Variants in CLSTN2 observed in about 807,000 individuals in gnomAD.
CLSTN2 encodes the protein calsyntenin-2.
A neutral mutation model predicts 101.2 loss-of-function variants in CLSTN2; 48 were observed. The ratio of observed to expected loss-of-function variants is 0.47; its 90% CI spans 0.38 to 0.60. The LOEUF (loss-of-function observed/expected upper bound fraction) is 0.60. Ranked by LOEUF, CLSTN2 falls within the 20% of genes least tolerant of loss-of-function variation. CLSTN2 has a pLI of 0.00. For synonymous variants in CLSTN2, 481 were observed against 463.6 expected (o/e 1.04, Z -0.48); for missense variants, 1,160 against 1,238.2 (o/e 0.94, Z 0.95).
intron 7 of CLSTN2, among the ~76,000 whole-genome samples, chr3:140,462,320 C>T (rs1164105376): frequency 1.3e-5 from 2 of 152,142 alleles, no homozygotes; most frequent in Non-Finnish European, 2.9e-5. Flanking sequence ...ATTTATCATA[C>T]TTCATGTCAC....
chr3:140,453,006 G>A (rs935964212), intron 6 of CLSTN2, among the ~76,000 whole-genome samples: 1 of 152,220 alleles, frequency 6.6e-6, no homozygotes. Context: ...TTGAGTATGA[G>A]ATGAGAGTGC....
At chr3:140,467,732 TC>T (rs1421476465) in intron 8 of CLSTN2, among the ~76,000 whole-genome samples, 1 of 152,160 alleles carries the variant, frequency 6.6e-6, no homozygotes, top group Non-Finnish European at 1.5e-5. Context: ...CATAATCCTT[TC>T]CCTTCTCCAT....
chr3:140,427,899 C>T (rs2107995932), intron 5 of CLSTN2, among the ~76,000 whole-genome samples: 1 of 152,302 alleles, frequency 6.6e-6, no homozygotes. Flanking sequence ...GTGTTTCCCT[C>T]TTGTCAACTG....
At chr3:140,229,422 T>A (rs2086351976) in intron 2 of CLSTN2, among the ~76,000 whole-genome samples, 1 of 152,048 alleles carries the variant, frequency 6.6e-6, no homozygotes, top group Non-Finnish European at 1.5e-5. Context: ...GGAGCTGCTG[T>A]GGGGTCTGAG....
At chr3:140,374,746 C>A (rs1246163374) in intron 2 of CLSTN2, among the ~76,000 whole-genome samples, 1 of 152,116 alleles carries the variant, frequency 6.6e-6, no homozygotes, top group African/African-American at 2.4e-5. Context: ...TAAGTAGATA[C>A]CTGTTCTTTC....
intron 2 of CLSTN2, among the ~76,000 whole-genome samples, chr3:140,369,421 C>G (rs977068046): frequency 6.6e-6 from 1 of 152,130 alleles, no homozygotes; most frequent in Non-Finnish European, 1.5e-5. Context: ...TTTCCTGCCC[C>G]TAACATCACA....
At chr3:140,193,398 T>C (rs1046679127) in intron 2 of CLSTN2, among the ~76,000 whole-genome samples, 1 of 151,730 alleles carries the variant, frequency 6.6e-6, no homozygotes, top group Non-Finnish European at 1.5e-5. Context: ...TTTTGAAGGA[T>C]ACTTTTGCTG....
intron 2 of CLSTN2, among the ~76,000 whole-genome samples, chr3:140,368,076 A>G (rs976943145): frequency 2.2e-4 from 34 of 152,168 alleles, no homozygotes; most frequent in African/African-American, 8.0e-4. Flanking sequence ...ATTCCAGTGC[A>G]TCTTTACTGA....
intron 1 of CLSTN2, among the ~76,000 whole-genome samples, chr3:140,001,133 C>T (rs1004532004): frequency 3.3e-5 from 5 of 152,208 alleles, no homozygotes; most frequent in African/African-American, 1.2e-4. Context: ...ATACTACTTA[C>T]TCATCCTATA....
intron 1 of CLSTN2, among the ~76,000 whole-genome samples, chr3:139,969,953 A>G (rs1360560843): frequency 6.6e-6 from 1 of 152,202 alleles, no homozygotes; most frequent in South Asian, 2.1e-4. Flanking sequence ...ACAGAGTGAC[A>G]TAAAAGGAGA....
rs1016842446 is a variant in CLSTN2, at chr3:140,385,487, G to C, written c.233-18142G>C. On this transcript the variant is annotated intron_variant, in intron 2 of 16. Transcript: ENST00000458420. ...GGGTTCACGCCATTCTCCTGCCTCA[G>C]CTTCCCAAGTAGCTGGGACTACAGG... Among the ~76,000 whole-genome samples, 106 of 149,580 alleles carry C rather than the reference G, an allele frequency of 7.1e-4. 1 individual carries two copies. The highest frequency in any genetic ancestry group is 2.4e-3 in the African/African-American group (97 of 40,478).
At chr3:139,981,410 T>C (rs186605156) in intron 1 of CLSTN2, among the ~76,000 whole-genome samples, 256 of 152,360 alleles carry the variant, frequency 1.7e-3, no homozygotes, top group African/African-American at 6.0e-3. Context: ...TCTTGTGTTA[T>C]TAATGGCCTT....
intron 2 of CLSTN2, among the ~76,000 whole-genome samples, chr3:140,308,067 C>T (rs113896057): frequency 7.9e-5 from 12 of 152,256 alleles, no homozygotes; most frequent in African/African-American, 2.4e-4. Flanking sequence ...ATGATAGACC[C>T]CACCTCCATT....
At chr3:140,514,175 G>A (rs892776114) in intron 8 of CLSTN2, among the ~76,000 whole-genome samples, 2 of 152,000 alleles carry the variant, frequency 1.3e-5, no homozygotes, top group African/African-American at 2.4e-5. Flanking sequence ...TGGAGAACAG[G>A]TGGCGTTTGG....
intron 5 of CLSTN2, among the ~76,000 whole-genome samples, chr3:140,441,997 G>A (rs1367023023): frequency 2.0e-5 from 3 of 152,186 alleles, no homozygotes; most frequent in African/African-American, 7.2e-5. Flanking sequence ...ACCTGGAGCT[G>A]TACTGACACG....
At chr3:140,424,937 A>AC in intron 5 of CLSTN2, among the ~76,000 whole-genome samples, 1 of 151,342 alleles carries the variant, frequency 6.6e-6, no homozygotes, top group African/African-American at 2.4e-5. Flanking sequence ...ATGAGCCTCA[A>AC]CCCCCTCAGA....
chr3:140,295,993 C>T (rs549890983), intron 2 of CLSTN2, among the ~76,000 whole-genome samples: 1 of 152,244 alleles, frequency 6.6e-6, no homozygotes, highest in South Asian at 2.1e-4. Context: ...TATTATAATC[C>T]AATTCTTATA....
intron 1 of CLSTN2, among the ~76,000 whole-genome samples, chr3:140,171,687 T>TATATAATATGTATTATATATAATATATA (rs10658008): frequency 8.8e-6 from 1 of 114,034 alleles, no homozygotes; most frequent in Non-Finnish European, 1.7e-5. Context: ...TTATATATAA[T>TATATAATATGTATTATATATAATATATA]ATATATTAAT....
At chr3:140,399,092 A>G (rs991909662) in intron 2 of CLSTN2, among the ~76,000 whole-genome samples, 53 of 152,226 alleles carry the variant, frequency 3.5e-4, no homozygotes, top group Non-Finnish European at 1.2e-4. Flanking sequence ...CACGCAGCCC[A>G]TGGCTAGCCT....
Sources: gnomAD v4.1 joint callset for allele counts (sites outside exome capture counted in the v4.1 genomes callset) on GRCh38, gnomAD v4.1.1 for gene constraint, MANE v1.5 for transcripts, NCBI Gene and HGNC (gene_info 2026-07-23, HGNC 2026-07-21) for gene names.